The following NFIB variants were observed in gnomAD, a reference collection of about 807,000 sequenced individuals.
NFIB encodes the protein nuclear factor I B.
A neutral mutation model predicts 61.5 loss-of-function variants in NFIB; 11 were observed. The observed-to-expected ratio is 0.18, with a 90% CI of 0.11 to 0.30. The LOEUF (loss-of-function observed/expected upper bound fraction) is 0.30, where lower values mean the gene tolerates loss of function less well. NFIB is among the 10% of genes least tolerant of loss of function. The pLI, the probability that NFIB is intolerant of heterozygous loss-of-function variation, is 1.00. For missense variants in NFIB, 471 were observed against 608.9 expected (o/e 0.77, Z 2.38); for synonymous variants, 260 against 216.5 (o/e 1.20, Z -1.76).
chr9:14,345,667 G>A (rs1246497397), intron 1 of NFIB, among the ~76,000 whole-genome samples: 1 of 152,134 alleles, frequency 6.6e-6, no homozygotes, highest in Non-Finnish European at 1.5e-5. Context: ...GCGGGTTTGG[G>A]GGTGCTTCTC....
intron 2 of NFIB, among the ~76,000 whole-genome samples, chr9:14,292,149 C>T (rs976046822): frequency 6.6e-6 from 1 of 152,022 alleles, no homozygotes; most frequent in African/African-American, 2.4e-5. Flanking sequence ...GAAATAATAA[C>T]CTTTCATTAT....
At chr9:14,492,817 T>C in the NFIB span, among the ~76,000 whole-genome samples, 2 of 152,054 alleles carry the variant, frequency 1.3e-5, no homozygotes, top group African/African-American at 4.8e-5. Context: ...CTTTTATAGG[T>C]AAAGAGGCTA....
At chr9:14,200,812 A>C (rs2048956701) in intron 2 of NFIB, among the ~76,000 whole-genome samples, 1 of 152,122 alleles carries the variant, frequency 6.6e-6, no homozygotes, top group African/African-American at 2.4e-5. Flanking sequence ...ATGTTTACAA[A>C]TACTACCCGT....
chr9:14,215,699 C>G (rs1029265466), intron 2 of NFIB, among the ~76,000 whole-genome samples: 6 of 152,168 alleles, frequency 3.9e-5, no homozygotes, highest in Admixed American at 3.3e-4. Flanking sequence ...GTACTGAAAA[C>G]CAGTCTAGCT....
chr9:14,094,466 G>C (rs1013382699), intron 10 of NFIB: 3 of 152,228 alleles, frequency 2.0e-5, no homozygotes, highest in East Asian at 1.9e-4. Flanking sequence ...GGCTAGCCTG[G>C]AAGTGAAATA....
At chr9:14,098,213 A>G (rs988705636) in intron 10 of NFIB, among the ~76,000 whole-genome samples, 16 of 152,282 alleles carry the variant, frequency 1.1e-4, no homozygotes, top group African/African-American at 3.8e-4. Flanking sequence ...TTGTGTAAAC[A>G]TATCCTTTGG....
At chr9:14,098,909 A>G (rs374452754) in intron 10 of NFIB, among the ~76,000 whole-genome samples, 25 of 152,338 alleles carry the variant, frequency 1.6e-4, no homozygotes, top group African/African-American at 5.8e-4. Context: ...AAACTTTCCC[A>G]AAGAGTCAGC....
intron 10 of NFIB, among the ~76,000 whole-genome samples, chr9:14,090,287 T>C (rs1251388625): frequency 6.6e-6 from 1 of 152,156 alleles, no homozygotes; most frequent in South Asian, 2.1e-4. Context: ...TTAAGAATAC[T>C]TGTTATTGAA....
intron 2 of NFIB, chr9:14,300,248 C>G: frequency 2.5e-6 from 1 of 398,468 alleles, no homozygotes; most frequent in East Asian, 3.6e-5. Flanking sequence ...ATGCTTGGCA[C>G]TGGGGCATGC....
intron 2 of NFIB, among the ~76,000 whole-genome samples, chr9:14,181,860 G>C (rs1202924421): frequency 6.6e-6 from 1 of 152,198 alleles, no homozygotes; most frequent in Non-Finnish European, 1.5e-5. Context: ...ACCTGAGATA[G>C]TTAAAGTTGT....
At chr9:14,314,598 G>C (rs962101702), upstream of NFIB, 1 of 151,572 alleles carries the variant, frequency 6.6e-6, no homozygotes, top group Non-Finnish European at 1.5e-5. Context: ...CTCCAAATCA[G>C]ACTTAAGGAT....
At chr9:14,388,744 A>G (rs1490599100) in intron 1 of NFIB, among the ~76,000 whole-genome samples, 1 of 152,214 alleles carries the variant, frequency 6.6e-6, no homozygotes, top group Non-Finnish European at 1.5e-5. Context: ...GATATCTGTG[A>G]CATTGTATTT....
chr9:14,405,592 CAG>C, the NFIB span, among the ~76,000 whole-genome samples: 1 of 151,854 alleles, frequency 6.6e-6, no homozygotes, highest in Non-Finnish European at 1.5e-5. Context: ...GGTTGGAAAA[CAG>C]AACGTTAGTA....
intron 2 of NFIB, among the ~76,000 whole-genome samples, chr9:14,200,278 G>A (rs891160895): frequency 9.2e-5 from 14 of 152,262 alleles, no homozygotes; most frequent in Admixed American, 7.2e-4. Flanking sequence ...AGAAGAGAAA[G>A]ATTACAATAA....
At position 14,086,369 on chromosome 9, in the gene NFIB, A is replaced by C; in HGVS notation, c.*1940T>G. ...TCAATTAAAACAAACAAACAAACAA[A>C]AAAGCATACATTATTTTTTTTTTAA... On this transcript the variant is annotated 3_prime_UTR_variant, in exon 11 of 11. Coordinates refer to ENST00000380953, the MANE Select transcript of NFIB (RefSeq NM_001190737.2). 1 of 220,120 alleles carries C rather than the reference A, an allele frequency of 4.5e-6. No homozygotes were observed. Among genetic ancestry groups the C allele is most frequent in the South Asian group, 1.9e-4 (1 of 5,162 alleles). The allele number at this position is 220,120 out of a possible 1,614,324, so 13.6% of individuals were successfully genotyped here.
At chr9:14,405,471 G>C in the NFIB span, among the ~76,000 whole-genome samples, 2 of 152,174 alleles carry the variant, frequency 1.3e-5, no homozygotes, top group East Asian at 3.8e-4. Context: ...TTGGAGGCTG[G>C]AAAGATGAAG....
At position 14,216,523 on chromosome 9, in the gene NFIB, TCTCTCTCTCTCTCTCTCTCC is replaced by T. The variant is rs765845270; in HGVS notation, c.563-36763_563-36744del. On this transcript the variant is annotated intron_variant, in intron 2 of 10. Transcript: ENST00000380953. ...CTCTCTCTCTCTCTCTCTCTCTCTC[TCTCTCTCTCTCTCTCTCTCC>T]CTCTGTGTGTGTGTGTGTGTGTGTG... 4.4e-3 allele frequency among the ~76,000 whole-genome samples: 168 copies of T among 37,990 alleles called. 2 individuals are homozygous for T. Among genetic ancestry groups the T allele is most frequent in the African/African-American group, 0.015 (73 of 4,820 alleles). 24.9% of individuals were successfully genotyped at this position (37,990 alleles called of 152,430 possible).
At chr9:14,261,161 C>G (rs1587993077) in intron 2 of NFIB, among the ~76,000 whole-genome samples, 1 of 151,976 alleles carries the variant, frequency 6.6e-6, no homozygotes, top group Non-Finnish European at 1.5e-5. Flanking sequence ...TACTAAAAAT[C>G]CAAAAATTAG....
At chr9:14,114,714 T>C (rs1160194937) in intron 9 of NFIB, among the ~76,000 whole-genome samples, 1 of 152,198 alleles carries the variant, frequency 6.6e-6, no homozygotes, top group African/African-American at 2.4e-5. Context: ...ACTGTGATCA[T>C]TTGGGTCTGA....
Sources: allele counts gnomAD v4.1 joint callset (sites outside exome capture counted in the v4.1 genomes callset), GRCh38; gene constraint gnomAD v4.1.1; transcripts MANE v1.5; gene names NCBI Gene and HGNC (gene_info 2026-07-23, HGNC 2026-07-21).